The following OSBPL6 variants were observed in gnomAD, a reference collection of about 807,000 sequenced individuals.
The protein encoded by OSBPL6 is oxysterol-binding protein-related protein 6.
Under a neutral mutation model 125.8 loss-of-function variants are expected in OSBPL6, and 49 were observed. The observed-to-expected ratio is 0.39, with a 90% CI of 0.31 to 0.49. OSBPL6 has a LOEUF of 0.49. Among genes scored for constraint, OSBPL6 ranks in the 20% least tolerant of loss-of-function variants. OSBPL6 has a pLI of 0.88. For missense variants in OSBPL6, 986 were observed against 1,135.4 expected (o/e 0.87, Z 1.89); for synonymous variants, 394 against 391.8 (o/e 1.01, Z -0.07).
At chr2:178,263,414 G>T (rs1040517813) in intron 1 of OSBPL6, among the ~76,000 whole-genome samples, 2 of 152,202 alleles carry the variant, frequency 1.3e-5, no homozygotes, top group African/African-American at 4.8e-5. Flanking sequence ...GAAGGCGGAG[G>T]TTGCAGTGAG....
rs772758319 is a variant in OSBPL6, at chr2:178,306,240, A to G, written c.56A>G (p.His19Arg). The change falls in exon 3 of 25, where the codon CAT (histidine) becomes CGT (arginine). Residue 19 changes from histidine to arginine, a missense_variant. Coordinates refer to ENST00000190611, the MANE Select transcript of OSBPL6 (RefSeq NM_032523.4). ...SPAHKTSTPT[H>R]RSASSSTSSQ... ...GCTCATAAAACATCCACTCCAACCCATAGAAGTGCCTCCTCTTCAACATCC... is the reference window on the plus strand; with the variant it reads ...GCTCATAAAACATCCACTCCAACCCGTAGAAGTGCCTCCTCTTCAACATCC... The G allele has an allele frequency of 1.1e-5, 17 of 1,613,802 alleles. No individual in the cohort carries two copies. The highest frequency in any genetic ancestry group is 4.4e-5 in the South Asian group (4 of 91,080).
rs940407348 is a variant in OSBPL6, at chr2:178,396,593, C to T, written c.*1034C>T. Reference sequence around the variant, plus strand: ...GTAATCCATGTCTCAATCCCATGCCCGCTCCACTGACACTAGTCGAATTCC... The same window carrying T: ...GTAATCCATGTCTCAATCCCATGCCTGCTCCACTGACACTAGTCGAATTCC... On this transcript the variant is annotated 3_prime_UTR_variant, in exon 25 of 25. Coordinates refer to ENST00000190611, the MANE Select transcript of OSBPL6 (RefSeq NM_032523.4). 8 of 152,148 alleles carry T rather than the reference C, an allele frequency of 5.3e-5. No homozygotes were observed. Among genetic ancestry groups the T allele is most frequent in the African/African-American group, 1.2e-4 (5 of 41,424 alleles). 9.4% of individuals were successfully genotyped at this position (152,148 alleles called of 1,614,324 possible). A position where few individuals can be genotyped will look rare whatever the true frequency, so the allele number is the denominator to read the frequency against.
chr2:178,242,184 G>C (rs534214265), intron 1 of OSBPL6, among the ~76,000 whole-genome samples: 2 of 152,264 alleles, frequency 1.3e-5, no homozygotes, highest in East Asian at 3.9e-4. Flanking sequence ...TATGTACTCA[G>C]AAAAAAGAAA....
Position 178,298,694 on chromosome 2 carries a change from G to GTTTT in OSBPL6, c.-155-7336_-155-7335insTTTT, listed in dbSNP as rs757606940. Among the ~76,000 whole-genome samples, 59 of 139,430 alleles carry GTTTT rather than the reference G, an allele frequency of 4.2e-4. 1 individual carries two copies. Among genetic ancestry groups the GTTTT allele is most frequent in the African/African-American group, 1.4e-3 (53 of 37,926 alleles). 91.5% of individuals were successfully genotyped at this position (139,430 alleles called of 152,430 possible). ...CACCATGCCCAGCCTATTTTTAGTT[G>GTTTT]CTTTTTTTTTTGTTTTTTTTTTTTT... On this transcript the variant is annotated intron_variant, in intron 2 of 24. Coordinates refer to ENST00000190611, the MANE Select transcript of OSBPL6 (RefSeq NM_032523.4).
intron 11 of OSBPL6, among the ~76,000 whole-genome samples, chr2:178,341,778 G>A (rs1690220690): frequency 6.6e-6 from 1 of 152,122 alleles, no homozygotes; most frequent in South Asian, 2.1e-4. Flanking sequence ...TATTTTAAGG[G>A]GAACACAGCA....
intron 1 of OSBPL6, among the ~76,000 whole-genome samples, chr2:178,264,025 T>G (rs2092151413): frequency 6.6e-6 from 1 of 152,146 alleles, no homozygotes; most frequent in African/African-American, 2.4e-5. Flanking sequence ...AGCTGTCTGG[T>G]GGCAGGGCCT....
chr2:178,336,653 G>A (rs77946091), intron 9 of OSBPL6, among the ~76,000 whole-genome samples: 7,279 of 152,178 alleles, frequency 0.048, 226 homozygotes, highest in South Asian at 0.15. Flanking sequence ...CACCCTCACA[G>A]CAGTTGAATC....
chr2:178,262,931 A>G (rs1010372975), intron 1 of OSBPL6, among the ~76,000 whole-genome samples: 2 of 152,216 alleles, frequency 1.3e-5, no homozygotes, highest in Non-Finnish European at 2.9e-5. Flanking sequence ...TTAGAGTTGG[A>G]AAAAGTGCAT....
intron 3 of OSBPL6, among the ~76,000 whole-genome samples, chr2:178,322,149 T>C (rs1688300066): frequency 6.6e-6 from 1 of 152,220 alleles, no homozygotes; most frequent in Non-Finnish European, 1.5e-5. Context: ...GGGGATTTAA[T>C]TTCCTTTCCC....
chr2:178,235,343 T>G (rs2091002027), intron 1 of OSBPL6, among the ~76,000 whole-genome samples: 1 of 151,388 alleles, frequency 6.6e-6, no homozygotes, highest in African/African-American at 2.4e-5. Flanking sequence ...AACAGATATT[T>G]TTATACAATT....
At chr2:178,250,736 C>T (rs1265602072) in intron 1 of OSBPL6, among the ~76,000 whole-genome samples, 8 of 152,166 alleles carry the variant, frequency 5.3e-5, no homozygotes, top group Admixed American at 4.6e-4. Context: ...CAGAAGCCGT[C>T]TCATATCGTG....
At chr2:178,216,911 C>A (rs2090117390) in intron 1 of OSBPL6, among the ~76,000 whole-genome samples, 1 of 152,100 alleles carries the variant, frequency 6.6e-6, no homozygotes, top group African/African-American at 2.4e-5. Flanking sequence ...AGAAACTACT[C>A]CACACTGAAG....
rs1692371671 is a variant in OSBPL6, at chr2:178,361,664, A to G, written c.1154-18A>G. ...TGCACATATCTGACAGTTTTTTCTC[A>G]CTTTTCTCCCCACCCAGTGCATTCT... On this transcript the variant is annotated intron_variant, in intron 12 of 24. Transcript: ENST00000190611. 6.2e-7 allele frequency: 1 copy of G among 1,611,224 alleles called. No homozygotes were observed. The highest frequency in any genetic ancestry group is 8.5e-7 in the Non-Finnish European group (1 of 1,178,662).
At chr2:178,384,763 C>T (rs1694783801) in intron 18 of OSBPL6, among the ~76,000 whole-genome samples, 3 of 152,004 alleles carry the variant, frequency 2.0e-5, no homozygotes, top group Admixed American at 1.3e-4. Context: ...TGAAGATAAG[C>T]TATCAATGTA....
At chr2:178,373,376 A>G (rs1047452280) in intron 14 of OSBPL6, among the ~76,000 whole-genome samples, 4 of 152,150 alleles carry the variant, frequency 2.6e-5, no homozygotes, top group African/African-American at 7.2e-5. Context: ...ACTATTTATC[A>G]CTTATTGAAT....
chr2:178,329,225 T>C (rs1336080572), intron 5 of OSBPL6, among the ~76,000 whole-genome samples: 1 of 152,210 alleles, frequency 6.6e-6, no homozygotes, highest in Non-Finnish European at 1.5e-5. Context: ...GTTTGTTTAC[T>C]GCTCTTTGAA....
At chr2:178,289,380 T>C (rs879385396) in intron 2 of OSBPL6, among the ~76,000 whole-genome samples, 1 of 152,206 alleles carries the variant, frequency 6.6e-6, no homozygotes, top group African/African-American at 2.4e-5. Context: ...TAGGCTTTTG[T>C]ATAAGAATAG....
In OSBPL6 at chr2:178,288,413, C is replaced by T. The variant is rs1418506547; in HGVS notation, c.-156+3292C>T. ...CAGAGAGAAGGGCTGTGCCCCAGGC[C>T]AGCTCTCGCCTGTGCATTCATTGTC... On this transcript the variant is annotated intron_variant, in intron 2 of 24. Transcript: ENST00000190611. Among the ~76,000 whole-genome samples, 7 of 152,286 alleles carry T rather than the reference C, an allele frequency of 4.6e-5. 1 individual carries two copies. The highest frequency in any genetic ancestry group is 1.7e-4 in the African/African-American group (7 of 41,580).
chr2:178,357,316 A>G (rs1354211766), intron 12 of OSBPL6, among the ~76,000 whole-genome samples: 1 of 152,276 alleles, frequency 6.6e-6, no homozygotes, highest in Non-Finnish European at 1.5e-5. Flanking sequence ...ACAGAATGGG[A>G]GAAGATTTTT....
Sources: gnomAD v4.1 joint callset for allele counts (sites outside exome capture counted in the v4.1 genomes callset) on GRCh38, gnomAD v4.1.1 for gene constraint, MANE v1.5 for transcripts, NCBI Gene and HGNC (gene_info 2026-07-23, HGNC 2026-07-21) for gene names.